Variants in TUBGCP6 observed in about 807,000 individuals in gnomAD.
TUBGCP6 encodes the protein tubulin gamma complex component 6, also known as gamma-tubulin complex component 6.
In TUBGCP6, 161 loss-of-function variants were observed where a neutral mutation model predicts 175.8. That is an observed-to-expected ratio of 0.92 (90% CI 0.81 to 1.04). The LOEUF (loss-of-function observed/expected upper bound fraction) is 1.04, where lower values mean the gene tolerates loss of function less well. TUBGCP6 is among the 50% of genes least tolerant of loss of function. The pLI, the probability that TUBGCP6 is intolerant of heterozygous loss-of-function variation, is 0.00. For synonymous variants in TUBGCP6, 1,173 were observed against 1,030.5 expected (o/e 1.14, Z -2.65); for missense variants, 2,572 against 2,433.0 (o/e 1.06, Z -1.20).
At chr22:50,243,409 C>T (rs1386880106) in intron 1 of TUBGCP6, among the ~76,000 whole-genome samples, 7 of 149,896 alleles carry the variant, frequency 4.7e-5, no homozygotes, top group Admixed American at 4.0e-4. Flanking sequence ...GCCGAGATCG[C>T]GCCACGGCAC....
rs745528767 is a variant in TUBGCP6, at chr22:50,220,882, G to C, written c.3477C>G (p.Asn1159Lys). Reference sequence around the variant, plus strand: ...TGGCATCGGACACGTGTCCATGGGTGTTCCACCGTGGCCGGGTGGGAGCCA... The same window carrying C: ...TGGCATCGGACACGTGTCCATGGGTCTTCCACCGTGGCCGGGTGGGAGCCA... ...SDVAPTRPRWNTHGHVSDASI... is the reference protein window; with the variant it reads ...SDVAPTRPRWKTHGHVSDASI... Residue 1159 changes from asparagine to lysine, a missense_variant, in exon 16 of 25, where the codon AAC (asparagine) becomes AAG (lysine). Asn to Lys is a moderately conservative substitution (Grantham distance 94). Transcript: ENST00000248846. 10 of 1,612,414 alleles carry C rather than the reference G, an allele frequency of 6.2e-6. No homozygotes were observed. Among genetic ancestry groups the C allele is most frequent in the Non-Finnish European group, 8.5e-6 (10 of 1,179,612 alleles).
chr22:50,236,044 A>G (rs1404139409), intron 2 of TUBGCP6, among the ~76,000 whole-genome samples: 1 of 152,220 alleles, frequency 6.6e-6, no homozygotes, highest in Non-Finnish European at 1.5e-5. Context: ...AGCATTACAA[A>G]GCTGTACAAC....
In TUBGCP6 at chr22:50,222,090, C is replaced by T. The variant is rs774186959; in HGVS notation, c.2422G>A (p.Ala808Thr). 5 of 1,613,704 alleles carry T rather than the reference C, an allele frequency of 3.1e-6. No homozygotes were observed. In the African/African-American group the frequency reaches 6.7e-5, roughly 22 times the overall value. ...DEKHIQEMLKAVSEAHQPQEP... is the reference protein window; with the variant it reads ...DEKHIQEMLKTVSEAHQPQEP... ...TGGGGCTGGTGAGCCTCAGACACTG[C>T]TTTCAGCATCTCCTGAAATTCAAGC... Residue 808 changes from alanine (A) to threonine (T), a missense_variant, in exon 15 of 25, where the codon GCA becomes ACA. Ala to Thr is a moderately conservative substitution (Grantham distance 58). Coordinates refer to ENST00000248846, the MANE Select transcript of TUBGCP6 (RefSeq NM_020461.4).
chr22:50,226,672 C>T (rs2064615515), intron 7 of TUBGCP6, 61 bp downstream of exon 7: 2 of 1,391,006 alleles, frequency 1.4e-6, no homozygotes, highest in Admixed American at 4.0e-5. Flanking sequence ...CAAGGGACCG[C>T]TCTCAAGTGT....
At chr22:50,230,533 G>C (rs779809103) in intron 3 of TUBGCP6, among the ~76,000 whole-genome samples, 19 of 151,864 alleles carry the variant, frequency 1.3e-4, no homozygotes, top group South Asian at 2.1e-4. Context: ...TTGAATACGG[G>C]AGGCAGAGGT....
In TUBGCP6 at chr22:50,226,044, C is replaced by T; in HGVS notation, c.1833+6G>A. On this transcript the variant is annotated splice_donor_region_variant and intron_variant, in intron 9 of 24. Transcript: ENST00000248846. Reference sequence around the variant, plus strand: ...CTCTCTTCCCCACACATGAGCCCCTCCTCACCCGGGGGCAGCAGAGCTTCA... The same window carrying T: ...CTCTCTTCCCCACACATGAGCCCCTTCTCACCCGGGGGCAGCAGAGCTTCA... 1 of 1,614,104 alleles carries T rather than the reference C, an allele frequency of 6.2e-7. No individual in the cohort carries two copies. The highest frequency in any genetic ancestry group is 8.5e-7 in the Non-Finnish European group (1 of 1,180,004).
chr22:50,228,235 C>T (rs1757464638), intron 4 of TUBGCP6, among the ~76,000 whole-genome samples: 1 of 82,226 alleles, frequency 1.2e-5, no homozygotes, highest in South Asian at 4.3e-4. Flanking sequence ...GAAGCTGTGG[C>T]CCACCACCAA....
chr22:50,219,536 G>C, intron 18 of TUBGCP6, 80 bp from the exon 19 acceptor site: 2 of 1,585,368 alleles, frequency 1.3e-6, no homozygotes, highest in Admixed American at 1.7e-5. Context: ...TGGAGCACGT[G>C]CTGGGAACTG....
rs1376993065 is a variant in TUBGCP6, at chr22:50,224,807, G to T, written c.1984-215C>A. ...CTGTAGTATCAACTATTTGGCGGGG[G>T]TCAGGGGAGCTTAGGCAGGAGGATC... is the stretch of plus-strand genomic sequence containing the variant. On this transcript the variant is annotated intron_variant, in intron 10 of 24. Coordinates refer to ENST00000248846, the MANE Select transcript of TUBGCP6 (RefSeq NM_020461.4). 2.6e-5 allele frequency among the ~76,000 whole-genome samples: 4 copies of T among 152,100 alleles called. No homozygotes were observed. The East Asian group carries it at 5.8e-4, about 22-fold the overall frequency.
At position 50,229,419 on chromosome 22, in the gene TUBGCP6, C is replaced by A; in HGVS notation, c.1275G>T (p.Lys425Asn). The A allele has an allele frequency of 2.5e-6, 4 of 1,613,594 alleles. No individual in the cohort carries two copies. The highest frequency in any genetic ancestry group is 3.4e-6 in the Non-Finnish European group (4 of 1,179,902). The change falls in exon 4 of 25, where the codon AAG becomes AAT. Residue 425 changes from lysine (K) to asparagine (N), a missense_variant. By Grantham distance (94) the Lys-to-Asn change is moderately conservative. Transcript: ENST00000248846. ...AAGGCCATACCTGGAACACGAGGCC[C>A]TTGCTGTACAAAGAGTCCAGGACGG... ...LQPVLDSLYS[K>N]GLVFQAFTSG...
Position 50,222,078 on chromosome 22 carries a change from C to T in TUBGCP6, c.2434G>A (p.Ala812Thr), listed in dbSNP as rs2147181430. ...IQEMLKAVSE[A>T]HQPQEPPDVL... ...TCTGGCGGCTCCTGGGGCTGGTGAG[C>T]CTCAGACACTGCTTTCAGCATCTCC... Residue 812 changes from alanine (A) to threonine (T), a missense_variant, in exon 15 of 25, where the codon GCT (alanine) becomes ACT (threonine). Transcript: ENST00000248846. 1 of 1,613,776 alleles carries T rather than the reference C, an allele frequency of 6.2e-7. No homozygotes were observed. Among genetic ancestry groups the T allele is most frequent in the Non-Finnish European group, 8.5e-7 (1 of 1,179,994 alleles).
intron 2 of TUBGCP6, among the ~76,000 whole-genome samples, chr22:50,234,886 C>A (rs2064749443): frequency 6.8e-6 from 1 of 146,816 alleles, no homozygotes; most frequent in Admixed American, 6.8e-5. Context: ...CCCATGGCAG[C>A]ATCATCCACA....
In TUBGCP6 at chr22:50,244,398, G is replaced by C. The variant is rs1359934518; in HGVS notation, c.62C>G (p.Thr21Ser). ...GTTCACACTGCGCTGGCCCAGGTGAGTCTTGGCAGCCGGCAGGAGGGCCTC... is the reference window on the plus strand; with the variant it reads ...GTTCACACTGCGCTGGCCCAGGTGACTCTTGGCAGCCGGCAGGAGGGCCTC... ...LCEALLPAAK[T>S]HLGQRSVNRK... The change falls in exon 1 of 25, where the codon ACT becomes AGT. Residue 21 changes from threonine to serine, a missense_variant. Physicochemically the swap from Thr to Ser is moderately conservative, Grantham distance 58 (BLOSUM62 1). Transcript: ENST00000248846. The C allele has an allele frequency of 3.9e-5, 63 of 1,613,084 alleles. No individual in the cohort carries two copies. The highest frequency in any genetic ancestry group is 5.0e-5 in the Non-Finnish European group (59 of 1,180,024).
chr22:50,234,076 G>A lies in TUBGCP6; in HGVS notation c.906-550C>T, dbSNP rs148298100. ...TCATCCACACCCCCTGTCCATGGCA[G>A]CATCATCCATACCCCATCCATGGCA... On this transcript the variant is annotated intron_variant, in intron 2 of 24. Coordinates refer to ENST00000248846, the MANE Select transcript of TUBGCP6 (RefSeq NM_020461.4). Among the ~76,000 whole-genome samples, 358 of 145,392 alleles carry A rather than the reference G, an allele frequency of 2.5e-3. 1 individual carries two copies. The highest frequency in any genetic ancestry group is 3.7e-3 in the Non-Finnish European group (246 of 66,418).
chr22:50,234,483 C>T (rs936942312), intron 2 of TUBGCP6, among the ~76,000 whole-genome samples: 14 of 143,720 alleles, frequency 9.7e-5, no homozygotes, highest in Admixed American at 7.0e-4. Context: ...CACCCCCGTC[C>T]ACAGCAGCAG....
chr22:50,234,241 A>C (rs1601600927), intron 2 of TUBGCP6, among the ~76,000 whole-genome samples: 1 of 138,074 alleles, frequency 7.2e-6, no homozygotes, highest in Non-Finnish European at 1.5e-5. Context: ...CATCATCCAC[A>C]CCCTCTGTCC....
chr22:50,244,091 A>G lies in TUBGCP6; in HGVS notation c.369T>C (p.Pro123=). 1 of 1,613,848 alleles carries G rather than the reference A, an allele frequency of 6.2e-7. No individual in the cohort carries two copies. Among genetic ancestry groups the G allele is most frequent in the Non-Finnish European group, 8.5e-7 (1 of 1,180,022 alleles). The part of the protein sequence containing the change: ...LLVQLAGSGP[P]QVLPRKRDYF... ...AGTCTCGTTTTCTCGGCAGAACTTG[A>G]GGGGGACCACTCCCTGCCAGCTGAA... Residue 123 remains proline (P), a synonymous_variant, in exon 1 of 25, where the codon CCT becomes CCC. Coordinates refer to ENST00000248846, the MANE Select transcript of TUBGCP6 (RefSeq NM_020461.4).
chr22:50,222,457 A>AC lies in TUBGCP6; in HGVS notation c.2405_2406insG (p.Ile802MetfsTer10). The AC allele has an allele frequency of 6.2e-7, 1 of 1,613,706 alleles. No homozygotes were observed. The highest frequency in any genetic ancestry group is 1.1e-5 in the South Asian group (1 of 91,080). On this transcript the variant is annotated frameshift_variant, in exon 14 of 25. Coordinates refer to ENST00000248846, the MANE Select transcript of TUBGCP6 (RefSeq NM_020461.4). LOFTEE classifies it high-confidence loss of function. ...CCATCTGAAGCCGCAGACATACCTG[A>AC]ATGTGTTTCTCATCTTCTAAGAGAA... is the stretch of plus-strand genomic sequence containing the variant.
chr22:50,220,842 C>G lies in TUBGCP6; in HGVS notation c.3517G>C (p.Glu1173Gln), dbSNP rs1446906547. Reference sequence around the variant, plus strand: ...GCGGGAGCCATGTCTGACACAGACTCCCCCAAGCTGATGCTGGCATCGGAC... The same window carrying G: ...GCGGGAGCCATGTCTGACACAGACTGCCCCAAGCTGATGCTGGCATCGGAC... Reference protein sequence around the residue: ...HVSDASISLGESVSDMAPARP... With the variant: ...HVSDASISLGQSVSDMAPARP... Residue 1173 changes from glutamate to glutamine, a missense_variant, in exon 16 of 25, where the codon GAG (glutamate) becomes CAG (glutamine). Physicochemically the swap from Glu to Gln is conservative, Grantham distance 29. Transcript: ENST00000248846. 1 of 1,604,030 alleles carries G rather than the reference C, an allele frequency of 6.2e-7. No homozygotes were observed. The highest frequency in any genetic ancestry group is 1.3e-5 in the African/African-American group (1 of 74,440).
Sources: gnomAD v4.1 joint callset for allele counts (sites outside exome capture counted in the v4.1 genomes callset) on GRCh38, gnomAD v4.1.1 for gene constraint, MANE v1.5 for transcripts, NCBI Gene and HGNC (gene_info 2026-07-23, HGNC 2026-07-21) for gene names.